The following TAF2 variants were observed in gnomAD, a reference collection of about 807,000 sequenced individuals.
TAF2 encodes the protein TATA-box binding protein associated factor 2, also known as transcription initiation factor TFIID subunit 2.
In TAF2, 61 loss-of-function variants were observed where a neutral mutation model predicts 138.5. That is an observed-to-expected ratio of 0.44 (90% confidence interval 0.36 to 0.54). The LOEUF is 0.54. Ranked by LOEUF, TAF2 falls within the 20% of genes least tolerant of loss-of-function variation. The probability of loss-of-function intolerance (pLI) is 0.00; values close to 1 mark genes in which losing one functional copy is unlikely to be tolerated. For synonymous variants in TAF2, 475 were observed against 469.9 expected, an observed-to-expected ratio of 1.01 and a Z score of -0.14; for missense variants, 1,090 against 1,427.9, an observed-to-expected ratio of 0.76 and a Z score of 3.81.
chr8:119,778,735 T>C (rs1822434187), intron 17 of TAF2, among the ~76,000 whole-genome samples: 1 of 152,228 alleles, frequency 6.6e-6, no homozygotes, highest in South Asian at 2.1e-4. Flanking sequence ...GTAAATTATC[T>C]GAAATGCAGC....
intron 18 of TAF2, among the ~76,000 whole-genome samples, chr8:119,768,531 T>C (rs1056374919): frequency 2.0e-5 from 3 of 152,218 alleles, no homozygotes; most frequent in African/African-American, 7.2e-5. Flanking sequence ...AGATACTTGA[T>C]ATGATTTCAA....
chr8:119,788,202 T>C (rs929548929), intron 14 of TAF2, 136 bp downstream of exon 14: 40 of 722,620 alleles, frequency 5.5e-5, no homozygotes, highest in Admixed American at 4.0e-4. Context: ...CAAACCTGCA[T>C]GTTCTGCACA....
chr8:119,758,004 G>A (rs1031549052), intron 21 of TAF2, 69 bp downstream of exon 21: 19 of 1,266,054 alleles, frequency 1.5e-5, no homozygotes, highest in African/African-American at 8.8e-5. Flanking sequence ...CATTTTATGT[G>A]TAATCTGAAA....
intron 3 of TAF2, among the ~76,000 whole-genome samples, chr8:119,812,718 GGTGTGT>G (rs201947539): frequency 0.26 from 37,933 of 143,786 alleles, 5,740 homozygotes; most frequent in Admixed American, 0.43. Flanking sequence ...AGTATTCCAT[GGTGTGT>G]GTGTGTGTGT....
At chr8:119,747,420 C>T (rs1344734692) in intron 22 of TAF2, among the ~76,000 whole-genome samples, 1 of 152,188 alleles carries the variant, frequency 6.6e-6, no homozygotes, top group Non-Finnish European at 1.5e-5. Context: ...TTTTAAATAA[C>T]AGAAATAAGC....
At chr8:119,818,203 A>C (rs1825598855) in intron 3 of TAF2, among the ~76,000 whole-genome samples, 1 of 152,170 alleles carries the variant, frequency 6.6e-6, no homozygotes, top group Non-Finnish European at 1.5e-5. Context: ...AGCTTCTTAA[A>C]ACACAAACTG....
intron 2 of TAF2, among the ~76,000 whole-genome samples, chr8:119,828,958 T>C (rs1032862175): frequency 1.3e-5 from 2 of 152,216 alleles, no homozygotes; most frequent in African/African-American, 4.8e-5. Context: ...TGGGGATGGC[T>C]GTGTTCAAGT....
intron 20 of TAF2, among the ~76,000 whole-genome samples, chr8:119,759,670 T>G (rs1052758304): frequency 6.6e-6 from 1 of 152,160 alleles, no homozygotes; most frequent in African/African-American, 2.4e-5. Context: ...GTTCTTTCAT[T>G]TCACATTTTC....
intron 2 of TAF2, among the ~76,000 whole-genome samples, chr8:119,822,201 A>G (rs1825842345): frequency 6.6e-6 from 1 of 151,812 alleles, no homozygotes; most frequent in Admixed American, 6.6e-5. Context: ...ACATTTGATG[A>G]AGGCTCATAC....
intron 18 of TAF2, among the ~76,000 whole-genome samples, chr8:119,776,074 T>C (rs1382595896): frequency 6.6e-6 from 1 of 152,210 alleles, no homozygotes; most frequent in East Asian, 1.9e-4. Flanking sequence ...TAAAAAATGT[T>C]GGACTATCAT....
At chr8:119,761,190 T>C (rs1821039585) in intron 19 of TAF2, among the ~76,000 whole-genome samples, 1 of 152,178 alleles carries the variant, frequency 6.6e-6, no homozygotes. Flanking sequence ...ACCATACCTT[T>C]CATATGTTTG....
intron 3 of TAF2, among the ~76,000 whole-genome samples, chr8:119,807,620 C>T (rs1210131100): frequency 1.3e-5 from 2 of 152,058 alleles, no homozygotes; most frequent in Admixed American, 1.3e-4. Context: ...ATACTTTTTT[C>T]ATCTAGTTAA....
At chr8:119,741,865 G>A (rs1819619951) in intron 25 of TAF2, among the ~76,000 whole-genome samples, 1 of 152,090 alleles carries the variant, frequency 6.6e-6, no homozygotes, top group Non-Finnish European at 1.5e-5. Flanking sequence ...CTGAATCTTT[G>A]TTTCACGGTA....
At chr8:119,798,399 T>A (rs377191085) in intron 6 of TAF2, among the ~76,000 whole-genome samples, 63 of 152,314 alleles carry the variant, frequency 4.1e-4, no homozygotes, top group African/African-American at 1.4e-3. Flanking sequence ...TTTCATTAGG[T>A]TACATCTCAC....
At chr8:119,748,840 C>G (rs573651947) in intron 22 of TAF2, among the ~76,000 whole-genome samples, 1 of 152,048 alleles carries the variant, frequency 6.6e-6, no homozygotes, top group East Asian at 1.9e-4. Flanking sequence ...AGTCTGGCAA[C>G]CCAGAGCAGC....
chr8:119,827,101 G>A (rs1447437242), intron 2 of TAF2, among the ~76,000 whole-genome samples: 1 of 152,110 alleles, frequency 6.6e-6, no homozygotes, highest in Non-Finnish European at 1.5e-5. Context: ...GCTGAGGTGG[G>A]ATAACCACCT....
At chr8:119,790,544 C>G (rs1187055921) in intron 11 of TAF2, among the ~76,000 whole-genome samples, 1 of 152,080 alleles carries the variant, frequency 6.6e-6, no homozygotes, top group African/African-American at 2.4e-5. Context: ...TTATTTTTTA[C>G]CTGCCTCTAA....
At chr8:119,745,506 A>T (rs1819899390) in intron 23 of TAF2, among the ~76,000 whole-genome samples, 1 of 152,290 alleles carries the variant, frequency 6.6e-6, no homozygotes. Flanking sequence ...ATTTAGGTGA[A>T]TAAGCAAATT....
chr8:119,785,067 G>T, intron 15 of TAF2, 134 bp downstream of exon 15: 1 of 672,976 alleles, frequency 1.5e-6, no homozygotes, highest in Admixed American at 3.0e-5. Context: ...TTTAACATAG[G>T]GTTTCTATTA....
Sources: allele counts gnomAD v4.1 joint callset (sites outside exome capture counted in the v4.1 genomes callset), GRCh38; gene constraint gnomAD v4.1.1; transcripts MANE v1.5; gene names NCBI Gene and HGNC (gene_info 2026-07-23, HGNC 2026-07-21).